The following OAF variants were observed in gnomAD, a reference collection of about 807,000 sequenced individuals.
OAF encodes the protein out at first homolog, also known as out at first protein homolog.
Under a neutral mutation model 22.5 loss-of-function variants are expected in OAF, and 13 were observed. The ratio of observed to expected loss-of-function variants is 0.58; its 90% CI spans 0.38 to 0.92. The LOEUF (loss-of-function observed/expected upper bound fraction) is 0.92. Among genes scored for constraint, OAF ranks in the 40% least tolerant of loss-of-function variants. OAF has a pLI of 0.00. For synonymous variants in OAF, 175 were observed against 170.5 expected (o/e 1.03, Z -0.21); for missense variants, 347 against 381.8 (o/e 0.91, Z 0.76).
At chr11:120,216,597 G>A (rs991734983) in intron 1 of OAF, among the ~76,000 whole-genome samples, 11 of 152,142 alleles carry the variant, frequency 7.2e-5, no homozygotes, top group African/African-American at 2.7e-4. Flanking sequence ...GATCAGGATG[G>A]CCAGCCCTGC....
chr11:120,220,149 G>C (rs979330459), intron 1 of OAF, among the ~76,000 whole-genome samples: 3 of 152,102 alleles, frequency 2.0e-5, no homozygotes, highest in African/African-American at 7.2e-5. Flanking sequence ...GAGATCCAAG[G>C]CACTCTCACA....
rs1565343733 is a variant in OAF, at chr11:120,226,825, C to CG, written c.379dup (p.Ala127GlyfsTer142). 1 of 1,595,904 alleles carries CG rather than the reference C, an allele frequency of 6.3e-7. No individual in the cohort carries two copies. Among genetic ancestry groups the CG allele is most frequent in the Admixed American group, 1.7e-5 (1 of 59,250 alleles). ...TCTCTCCCACACACAGAAAAATCCCCGGGCAGTGCGGCAGGCGGAGGAGGT... is the reference window on the plus strand; with the variant it reads ...TCTCTCCCACACACAGAAAAATCCCCGGGGCAGTGCGGCAGGCGGAGGAGGT... On this transcript the variant is annotated frameshift_variant, in exon 3 of 4. Transcript: ENST00000328965. LOFTEE classifies it high-confidence loss of function.
chr11:120,229,371 A>ATTTTTTAAT lies in OAF; in HGVS notation c.*229_*230insTTTTTTAAT. 2.4e-6 allele frequency: 1 copy of ATTTTTTAAT among 422,856 alleles called. No individual in the cohort carries two copies. The highest frequency in any genetic ancestry group is 4.2e-6 in the Non-Finnish European group (1 of 240,738). The allele number at this position is 422,856 out of a possible 1,614,324, so 26.2% of individuals were successfully genotyped here. Reference sequence around the variant, plus strand: ...CACCCTGTGCCTTCCTTGCGGGCAGAGAGGGAGAGAAGGGCTCCCCAGATC... The same window carrying ATTTTTTAAT: ...CACCCTGTGCCTTCCTTGCGGGCAGATTTTTTAATGAGGGAGAGAAGGGCTCCCCAGATC... On this transcript the variant is annotated 3_prime_UTR_variant, in exon 4 of 4. Transcript: ENST00000328965.
At chr11:120,226,752 T>C in intron 2 of OAF, 64 bp from the exon 3 acceptor site, 1 of 1,461,784 alleles carries the variant, frequency 6.8e-7, no homozygotes, top group Non-Finnish European at 9.3e-7. Context: ...CTCTGGAGGG[T>C]CAGGGGAAGA....
rs559289815 is a variant in OAF, at chr11:120,226,865, A to G, written c.416A>G (p.His139Arg). The G allele has an allele frequency of 2.4e-5, 38 of 1,611,102 alleles. 3 individuals are homozygous for G. The South Asian group carries it at 3.5e-4, about 15-fold the overall frequency. Reference sequence around the variant, plus strand: ...GCGGAGGAGGTTCGGGGTCTGGAGCATCTGCACATGGATGTCGCTGTCAAC... The same window carrying G: ...GCGGAGGAGGTTCGGGGTCTGGAGCGTCTGCACATGGATGTCGCTGTCAAC... ...RQAEEVRGLE[H>R]LHMDVAVNFS... The change falls in exon 3 of 4, where the codon CAT (histidine) becomes CGT (arginine). Residue 139 changes from histidine (H) to arginine (R), a missense_variant. Transcript: ENST00000328965.
chr11:120,211,455 T>C lies in OAF; in HGVS notation c.176T>C (p.Leu59Pro). 1 of 1,543,962 alleles carries C rather than the reference T, an allele frequency of 6.5e-7. No individual in the cohort carries two copies. Among genetic ancestry groups the C allele is most frequent in the Non-Finnish European group, 8.7e-7 (1 of 1,145,068 alleles). Reference sequence around the variant, plus strand: ...GACAGCGACGCGGACAGCATCAGCCTCGAGCTGCGCAAGCCCGACGGCACC... The same window carrying C: ...GACAGCGACGCGGACAGCATCAGCCCCGAGCTGCGCAAGCCCGACGGCACC... ...QADSDADSIS[L>P]ELRKPDGTLV... Residue 59 changes from leucine to proline, a missense_variant, in exon 1 of 4, where the codon CTC (leucine) becomes CCC (proline). Physicochemically the swap from Leu to Pro is moderately conservative, Grantham distance 98. Coordinates refer to ENST00000328965, the MANE Select transcript of OAF (RefSeq NM_178507.4).
chr11:120,226,904 C>T lies in OAF; in HGVS notation c.455C>T (p.Ala152Val). Reference sequence around the variant, plus strand: ...GTCGCTGTCAACTTCAGCCAGGGGGCCCTGCTGAGCCCCCATCTCCACAAC... The same window carrying T: ...GTCGCTGTCAACTTCAGCCAGGGGGTCCTGCTGAGCCCCCATCTCCACAAC... ...MDVAVNFSQGALLSPHLHNVC... is the reference protein window; with the variant it reads ...MDVAVNFSQGVLLSPHLHNVC... Residue 152 changes from alanine (A) to valine (V), a missense_variant, in exon 3 of 4, where the codon GCC becomes GTC. Coordinates refer to ENST00000328965, the MANE Select transcript of OAF (RefSeq NM_178507.4). The T allele has an allele frequency of 4.3e-6, 7 of 1,612,560 alleles. No individual in the cohort carries two copies. Among genetic ancestry groups the T allele is most frequent in the Non-Finnish European group, 5.1e-6 (6 of 1,178,902 alleles).
chr11:120,216,432 G>A (rs1938213656), intron 1 of OAF, among the ~76,000 whole-genome samples: 1 of 152,206 alleles, frequency 6.6e-6, no homozygotes, highest in Non-Finnish European at 1.5e-5. Flanking sequence ...AGGCAGTGGA[G>A]GTGCTTTCGG....
At chr11:120,220,507 G>T (rs1938267854) in intron 1 of OAF, among the ~76,000 whole-genome samples, 1 of 152,186 alleles carries the variant, frequency 6.6e-6, no homozygotes, top group Non-Finnish European at 1.5e-5. Flanking sequence ...TCAAGAAGTT[G>T]AGTCTGGAAA....
Position 120,230,265 on chromosome 11 carries a change from A to G in OAF, c.*1123A>G, listed in dbSNP as rs1938420285. 6.6e-6 allele frequency: 1 copy of G among 152,252 alleles called. No individual in the cohort carries two copies. The highest frequency in any genetic ancestry group is 1.9e-4 in the East Asian group (1 of 5,198). 9.4% of individuals were successfully genotyped at this position (152,252 alleles called of 1,614,324 possible). ...GGGCTCGGCTACTTACCTGCTGTGCAGCCATGGGTCAAGTTGCTTGACCTC... is the reference window on the plus strand; with the variant it reads ...GGGCTCGGCTACTTACCTGCTGTGCGGCCATGGGTCAAGTTGCTTGACCTC... On this transcript the variant is annotated 3_prime_UTR_variant, in exon 4 of 4. Transcript: ENST00000328965.
At chr11:120,218,623 G>A (rs1938241892) in intron 1 of OAF, among the ~76,000 whole-genome samples, 1 of 152,244 alleles carries the variant, frequency 6.6e-6, no homozygotes, top group Non-Finnish European at 1.5e-5. Flanking sequence ...TCCCAGGAGA[G>A]AGCGCCAGCT....
At chr11:120,228,820 TTCCC>T (rs760449235) in intron 3 of OAF, 44 bp from the exon 4 acceptor site, 723 of 624,972 alleles carry the variant, frequency 1.2e-3, no homozygotes, top group South Asian at 2.0e-3. Flanking sequence ...GGGGAGCTCC[TTCCC>T]TCCCTCCCTC....
chr11:120,229,369 A>AG lies in OAF; in HGVS notation c.*228dup. 3.2e-6 allele frequency: 1 copy of AG among 308,030 alleles called. No individual in the cohort carries two copies. Among genetic ancestry groups the AG allele is most frequent in the Non-Finnish European group, 5.5e-6 (1 of 180,856 alleles). 19.1% of individuals were successfully genotyped at this position (308,030 alleles called of 1,614,324 possible). ...CCCACCCTGTGCCTTCCTTGCGGGC[A>AG]GAGAGGGAGAGAAGGGCTCCCCAGA... is the stretch of plus-strand genomic sequence containing the variant. On this transcript the variant is annotated 3_prime_UTR_variant, in exon 4 of 4. Transcript: ENST00000328965.
chr11:120,216,317 C>T (rs1344586720), intron 1 of OAF, among the ~76,000 whole-genome samples: 4 of 152,112 alleles, frequency 2.6e-5, no homozygotes, highest in Non-Finnish European at 4.4e-5. Context: ...GATGTGGGAC[C>T]GAGAAGCTTT....
chr11:120,211,640 C>T (rs1938150397), intron 1 of OAF, 130 bp downstream of exon 1: 4 of 523,538 alleles, frequency 7.6e-6, no homozygotes, highest in African/African-American at 2.0e-5. Context: ...TCACGCCGGG[C>T]TCTTCTCTAC....
chr11:120,226,191 TC>T (rs1938354950), intron 2 of OAF, among the ~76,000 whole-genome samples: 1 of 147,022 alleles, frequency 6.8e-6, no homozygotes, highest in Non-Finnish European at 1.6e-5. Context: ...ACATCACATC[TC>T]CTCCGTCACT....
At position 120,226,824 on chromosome 11, in the gene OAF, C is replaced by T; in HGVS notation, c.375C>T (p.Pro125=). The T allele has an allele frequency of 1.3e-6, 2 of 1,596,026 alleles. No individual in the cohort carries two copies. The highest frequency in any genetic ancestry group is 1.7e-6 in the Non-Finnish European group (2 of 1,166,652). Residue 125 remains proline (P), a synonymous_variant, in exon 3 of 4, where the codon CCC becomes CCT. Coordinates refer to ENST00000328965, the MANE Select transcript of OAF (RefSeq NM_178507.4). ...EAMAKLRQKN[P]RAVRQAEEVR... The stretch of plus-strand genomic sequence containing the variant: ...TTCTCTCCCACACACAGAAAAATCC[C>T]CGGGCAGTGCGGCAGGCGGAGGAGG...
At chr11:120,226,194 TCC>T (rs1938355036) in intron 2 of OAF, among the ~76,000 whole-genome samples, 1 of 152,068 alleles carries the variant, frequency 6.6e-6, no homozygotes, top group Non-Finnish European at 1.5e-5. Context: ...TCACATCTCC[TCC>T]GTCACTCATT....
At chr11:120,226,510 T>C (rs1356139878) in intron 2 of OAF, among the ~76,000 whole-genome samples, 1 of 152,190 alleles carries the variant, frequency 6.6e-6, no homozygotes, top group Admixed American at 6.5e-5. Flanking sequence ...CTGGCACAGC[T>C]TGCCTGGCCC....
Sources: gnomAD v4.1 joint callset for allele counts (sites outside exome capture counted in the v4.1 genomes callset) on GRCh38, gnomAD v4.1.1 for gene constraint, MANE v1.5 for transcripts, NCBI Gene and HGNC (gene_info 2026-07-23, HGNC 2026-07-21) for gene names.